LPIN1: variants seen among roughly 807,000 people sequenced by gnomAD.
LPIN1 encodes the protein lipin 1, also known as phosphatidate phosphatase LPIN1.
Under a neutral mutation model 107.5 loss-of-function variants are expected in LPIN1, and 71 were observed. That is an observed-to-expected ratio of 0.66 (90% CI 0.55 to 0.80). The LOEUF is 0.80. Ranked by LOEUF, LPIN1 falls within the 30% of genes least tolerant of loss-of-function variation. The pLI, the probability that LPIN1 is intolerant of heterozygous loss-of-function variation, is 0.00. For missense variants in LPIN1, 1,043 were observed against 1,160.6 expected, an observed-to-expected ratio of 0.90 and a Z score of 1.47; for synonymous variants, 445 against 452.6, an observed-to-expected ratio of 0.98 and a Z score of 0.21.
intron 1 of LPIN1, among the ~76,000 whole-genome samples, chr2:11,756,919 G>C (rs1012525629): frequency 3.3e-5 from 5 of 152,196 alleles, no homozygotes; most frequent in African/African-American, 7.2e-5. Context: ...AGAAGGTCAA[G>C]CTAGACGATG....
upstream of LPIN1, among the ~76,000 whole-genome samples, chr2:11,743,113 T>C (rs1666538097): frequency 6.6e-6 from 1 of 152,206 alleles, no homozygotes; most frequent in South Asian, 2.1e-4. The surrounding 1 kb of genome is among the most constrained non-coding windows in gnomAD (Gnocchi z 4.7). Flanking sequence ...ACCCAGACTG[T>C]GCACTCCCTG....
intron 1 of LPIN1, among the ~76,000 whole-genome samples, chr2:11,726,542 T>TC (rs1485192441): frequency 6.6e-6 from 1 of 151,758 alleles, no homozygotes; most frequent in Non-Finnish European, 1.5e-5. Context: ...CTGGATCAGA[T>TC]CCCATCTGTT....
rs1009864402 is a variant in LPIN1 at position 11,804,509 on chromosome 2, C to T, written c.2100C>T (p.Thr700=). ...QYQGTCRCEG[T]IYLWNWDDKV... ...AAGGCACGTGCCGCTGTGAGGGCAC[C>T]ATCTATCTGTGGAACTGGGATGATA... The change falls in exon 16 of 21, where the codon ACC becomes ACT. Residue 700 remains threonine (T), a synonymous_variant. Coordinates refer to ENST00000674199, the MANE Select transcript of LPIN1 (RefSeq NM_001349206.2). The T allele has an allele frequency of 6.2e-7, 1 of 1,614,046 alleles. No homozygotes were observed. Among genetic ancestry groups the T allele is most frequent in the South Asian group, 1.1e-5 (1 of 91,080 alleles).
chr2:11,739,764 G>T (rs1572491574), intron 1 of LPIN1, among the ~76,000 whole-genome samples: 1 of 152,142 alleles, frequency 6.6e-6, no homozygotes, highest in East Asian at 1.9e-4. Context: ...TATGACCTAG[G>T]ATCTGGAGAA....
At chr2:11,782,148 G>A (rs1572785538) in intron 7 of LPIN1, 53 bp from the exon 8 acceptor site, 1 of 1,409,270 alleles carries the variant, frequency 7.1e-7, no homozygotes, top group East Asian at 2.3e-5. Context: ...TTTTCTGGTT[G>A]CCTTTGTGCT....
rs117815062 is a variant in LPIN1 at position 11,794,539 on chromosome 2, T to C, written c.1807-869T>C. Among the ~76,000 whole-genome samples, 5 of 152,372 alleles carry C rather than the reference T, an allele frequency of 3.3e-5. No individual in the cohort carries two copies. The East Asian group carries it at 7.7e-4, about 23-fold the overall frequency. On this transcript the variant is annotated intron_variant, in intron 13 of 20. Coordinates refer to ENST00000674199, the MANE Select transcript of LPIN1 (RefSeq NM_001349206.2). The stretch of plus-strand genomic sequence containing the variant: ...AACCTAAAGGATATTTGAACTTAGT[T>C]CATGCTAGTCATATGTTAAGACAGT...
intron 14 of LPIN1, among the ~76,000 whole-genome samples, chr2:11,797,273 C>T (rs978453145): frequency 2.0e-5 from 3 of 152,244 alleles, no homozygotes; most frequent in Non-Finnish European, 2.9e-5. Context: ...TCAGCGTCTC[C>T]ATCTGTGAAA....
chr2:11,784,043 G>T, intron 9 of LPIN1, 121 bp downstream of exon 9: 1 of 1,539,632 alleles, frequency 6.5e-7, no homozygotes. Context: ...GGTGGCTCAC[G>T]CCTGTAATCC....
intron 13 of LPIN1, among the ~76,000 whole-genome samples, chr2:11,793,070 C>A (rs755112385): frequency 3.3e-5 from 5 of 152,178 alleles, no homozygotes; most frequent in African/African-American, 9.6e-5. Context: ...ATCAAGTAGT[C>A]GACTAAGCAG....
In LPIN1 at chr2:11,698,708, C is replaced by T. The variant is rs761676135; in HGVS notation, c.82-15048C>T. 4.4e-4 allele frequency among the ~76,000 whole-genome samples: 67 copies of T among 152,214 alleles called. 1 individual carries two copies. Among genetic ancestry groups the T allele is most frequent in the Non-Finnish European group, 3.4e-4 (23 of 68,028 alleles). The stretch of plus-strand genomic sequence containing the variant: ...CAGAATAAGCTTTGTTGATTAGGGT[C>T]CTTCTCATGTGGAATCTCTGGTATT... On this transcript the variant is annotated intron_variant, in intron 1 of 21. Coordinates refer to the LPIN1 transcript ENST00000449576.
chr2:11,685,895 CA>C (rs1440974708), intron 1 of LPIN1, among the ~76,000 whole-genome samples: 1 of 152,184 alleles, frequency 6.6e-6, no homozygotes, highest in Non-Finnish European at 1.5e-5. Flanking sequence ...TATCCAACCC[CA>C]TTTCTTCTTT....
chr2:11,763,964 AGTGTGTGT>A (rs143711712), intron 1 of LPIN1, among the ~76,000 whole-genome samples: 4 of 134,046 alleles, frequency 3.0e-5, no homozygotes, highest in Non-Finnish European at 6.2e-5. Context: ...CATATATTTT[AGTGTGTGT>A]GTGTGTGTGT....
chr2:11,725,037 G>A (rs555245127), intron 1 of LPIN1, among the ~76,000 whole-genome samples: 40 of 152,130 alleles, frequency 2.6e-4, no homozygotes, highest in Non-Finnish European at 3.2e-4. Context: ...CGAGGCGGGC[G>A]GATCACAAGG....
At chr2:11,797,993 C>T (rs1029126100) in intron 14 of LPIN1, among the ~76,000 whole-genome samples, 9 of 152,244 alleles carry the variant, frequency 5.9e-5, no homozygotes, top group South Asian at 2.1e-4. Context: ...ATCATGGGGC[C>T]GTTTCCCCCA....
chr2:11,822,374 C>T (rs907614043), intron 20 of LPIN1, among the ~76,000 whole-genome samples: 2 of 151,380 alleles, frequency 1.3e-5, no homozygotes, highest in South Asian at 2.1e-4. Context: ...CACTTGAACC[C>T]AGGAGACGGA....
intron 1 of LPIN1, among the ~76,000 whole-genome samples, chr2:11,725,273 A>G (rs1455157429): frequency 2.0e-5 from 3 of 151,946 alleles, no homozygotes; most frequent in Non-Finnish European, 2.9e-5. Context: ...AAACAAAAAC[A>G]AAAACAAAAA....
chr2:11,725,230 C>T (rs1664506181), intron 1 of LPIN1, among the ~76,000 whole-genome samples: 1 of 152,202 alleles, frequency 6.6e-6, no homozygotes, highest in Non-Finnish European at 1.5e-5. Flanking sequence ...CACTGCACTC[C>T]AGCCTGGGGG....
intron 1 of LPIN1, among the ~76,000 whole-genome samples, chr2:11,726,996 T>G (rs1026513650): frequency 6.6e-6 from 1 of 152,248 alleles, no homozygotes; most frequent in Non-Finnish European, 1.5e-5. Flanking sequence ...GGGCACATGG[T>G]GCAGACATGC....
chr2:11,807,167 G>C (rs1301663862), intron 17 of LPIN1, among the ~76,000 whole-genome samples: 4 of 152,230 alleles, frequency 2.6e-5, no homozygotes, highest in Non-Finnish European at 5.9e-5. Flanking sequence ...AGATTCCCAG[G>C]AGTAGAATTG....
Sources: gnomAD v4.1 joint callset for allele counts (sites outside exome capture counted in the v4.1 genomes callset) on GRCh38, gnomAD v4.1.1 for gene constraint, Gnocchi (gnomAD v3.1) non-coding constraint, MANE v1.5 for transcripts, NCBI Gene and HGNC (gene_info 2026-07-23, HGNC 2026-07-21) for gene names.